Variants in KCND2 observed in about 807,000 individuals in gnomAD.
The protein encoded by KCND2 is A-type voltage-gated potassium channel KCND2.
Under a neutral mutation model 54.4 loss-of-function variants are expected in KCND2, and 16 were observed. The ratio of observed to expected loss-of-function variants is 0.29; its 90% CI spans 0.20 to 0.45. KCND2 has a LOEUF of 0.45. Ranked by LOEUF, KCND2 falls within the 20% of genes least tolerant of loss-of-function variation. KCND2 has a pLI of 1.00. For missense variants in KCND2, 486 were observed against 824.2 expected (o/e 0.59, Z 5.02); for synonymous variants, 317 against 310.7 (o/e 1.02, Z -0.21).
chr7:120,661,120 G>A (rs930838207), intron 1 of KCND2, among the ~76,000 whole-genome samples: 1 of 152,116 alleles, frequency 6.6e-6, no homozygotes, highest in African/African-American at 2.4e-5. Context: ...GCTAAATAAT[G>A]ATGTGGAATC....
chr7:120,401,553 T>C (rs1449945478), intron 1 of KCND2, among the ~76,000 whole-genome samples: 1 of 152,150 alleles, frequency 6.6e-6, no homozygotes, highest in Non-Finnish European at 1.5e-5. Context: ...TTTAGGTGAT[T>C]TTGATGATTG....
chr7:120,736,366 G>A (rs1236845581), intron 2 of KCND2, among the ~76,000 whole-genome samples: 1 of 150,600 alleles, frequency 6.6e-6, no homozygotes, highest in Non-Finnish European at 1.5e-5. Context: ...ATGCTGGTGG[G>A]TATAGGCCTA....
chr7:120,284,313 G>T (rs558521000), intron 1 of KCND2, among the ~76,000 whole-genome samples: 1 of 151,738 alleles, frequency 6.6e-6, no homozygotes, highest in Non-Finnish European at 1.5e-5. Context: ...ACACACGCGC[G>T]CACACTCCAA....
In KCND2 at chr7:120,748,690, C is replaced by T. The variant is rs1434867511; in HGVS notation, c.*832C>T. Reference sequence around the variant, plus strand: ...TTATAGATACGGTAAGAGCCACATTCGTAGAAAAACTTCTGGTGTGGCCAG... The same window carrying T: ...TTATAGATACGGTAAGAGCCACATTTGTAGAAAAACTTCTGGTGTGGCCAG... On this transcript the variant is annotated 3_prime_UTR_variant, in exon 6 of 6. Coordinates refer to ENST00000331113, the MANE Select transcript of KCND2 (RefSeq NM_012281.3). 3 of 152,428 alleles carry T rather than the reference C, an allele frequency of 2.0e-5. No homozygotes were observed. Among genetic ancestry groups the T allele is most frequent in the Admixed American group, 6.6e-5 (1 of 15,240 alleles). The allele number at this position is 152,428 out of a possible 1,614,324, so 9.4% of individuals were successfully genotyped here.
At chr7:120,707,452 C>T (rs1009167786) in intron 1 of KCND2, among the ~76,000 whole-genome samples, 1 of 152,106 alleles carries the variant, frequency 6.6e-6, no homozygotes, top group Admixed American at 6.6e-5. Flanking sequence ...ACCCAACTTT[C>T]CCCCTTAGTC....
chr7:120,384,706 T>C (rs759697692), intron 1 of KCND2, among the ~76,000 whole-genome samples: 43 of 152,182 alleles, frequency 2.8e-4, no homozygotes, highest in Non-Finnish European at 2.6e-4. Context: ...GAACCCTTGT[T>C]TGAAAATAAA....
intron 1 of KCND2, among the ~76,000 whole-genome samples, chr7:120,682,385 C>A (rs1426525511): frequency 6.6e-6 from 1 of 151,992 alleles, no homozygotes; most frequent in East Asian, 1.9e-4. Context: ...CATTTCCTAA[C>A]TGATAGAATA....
intron 1 of KCND2, among the ~76,000 whole-genome samples, chr7:120,355,855 G>A (rs1800496552): frequency 6.6e-6 from 1 of 152,150 alleles, no homozygotes; most frequent in Admixed American, 6.6e-5. Context: ...TAGTATTTCT[G>A]AGTAACTTCC....
At chr7:120,537,244 A>G (rs1286830008) in intron 1 of KCND2, among the ~76,000 whole-genome samples, 1 of 152,218 alleles carries the variant, frequency 6.6e-6, no homozygotes, top group Non-Finnish European at 1.5e-5. Context: ...GTCAATAAGC[A>G]GTAATACTTA....
chr7:120,591,079 T>C (rs1792666108), intron 1 of KCND2, among the ~76,000 whole-genome samples: 1 of 152,222 alleles, frequency 6.6e-6, no homozygotes, highest in Non-Finnish European at 1.5e-5. Flanking sequence ...ACATTTTCTT[T>C]GGAAAAGTAA....
intron 1 of KCND2, among the ~76,000 whole-genome samples, chr7:120,668,214 C>T (rs1332357825): frequency 6.6e-6 from 1 of 151,940 alleles, no homozygotes; most frequent in Non-Finnish European, 1.5e-5. Context: ...TTTCACACGT[C>T]GATGGTAACA....
At chr7:120,406,048 A>G (rs1801351042) in intron 1 of KCND2, among the ~76,000 whole-genome samples, 1 of 152,016 alleles carries the variant, frequency 6.6e-6, no homozygotes, top group South Asian at 2.1e-4. Context: ...GTATAAAGGA[A>G]CTACTTTAGA....
At chr7:120,469,788 C>T (rs894045174) in intron 1 of KCND2, among the ~76,000 whole-genome samples, 1 of 151,994 alleles carries the variant, frequency 6.6e-6, no homozygotes, top group Admixed American at 6.6e-5. Flanking sequence ...AAATCTGAAA[C>T]GAGTAGGCTA....
intron 1 of KCND2, among the ~76,000 whole-genome samples, chr7:120,728,914 T>C (rs952726624): frequency 1.3e-5 from 2 of 152,172 alleles, no homozygotes; most frequent in Admixed American, 6.6e-5. Context: ...GAAACCAAGT[T>C]GCCTAGGATA....
intron 1 of KCND2, among the ~76,000 whole-genome samples, chr7:120,691,323 C>G (rs549976478): frequency 1.8e-4 from 28 of 152,310 alleles, no homozygotes; most frequent in African/African-American, 6.3e-4. Flanking sequence ...AGGCAGAGCA[C>G]TCAGGAGGCT....
intron 1 of KCND2, among the ~76,000 whole-genome samples, chr7:120,300,773 A>C (rs1290733314): frequency 6.6e-6 from 1 of 152,034 alleles, no homozygotes; most frequent in Non-Finnish European, 1.5e-5. Context: ...TTATAGGCCA[A>C]CTTTGCCCTA....
At chr7:120,350,074 A>T (rs561529171) in intron 1 of KCND2, among the ~76,000 whole-genome samples, 1 of 152,206 alleles carries the variant, frequency 6.6e-6, no homozygotes, top group African/African-American at 2.4e-5. Flanking sequence ...GATTTTTCAG[A>T]CATATAATAA....
intron 1 of KCND2, among the ~76,000 whole-genome samples, chr7:120,507,386 T>C (rs968297160): frequency 2.0e-5 from 3 of 151,946 alleles, no homozygotes; most frequent in African/African-American, 7.2e-5. Context: ...CTACTAATAC[T>C]GCCTTGATTT....
chr7:120,638,886 G>C (rs1793338413), intron 1 of KCND2, among the ~76,000 whole-genome samples: 1 of 152,230 alleles, frequency 6.6e-6, no homozygotes, highest in South Asian at 2.1e-4. Flanking sequence ...GGACTTGTGG[G>C]ATATATGTGG....
Sources: gnomAD v4.1 joint callset for allele counts (sites outside exome capture counted in the v4.1 genomes callset) on GRCh38, gnomAD v4.1.1 for gene constraint, MANE v1.5 for transcripts, NCBI Gene and HGNC (gene_info 2026-07-23, HGNC 2026-07-21) for gene names.